ENOX2: variants seen among roughly 807,000 people sequenced by gnomAD.
The protein encoded by ENOX2 is APK1 antigen.
In ENOX2, 36 loss-of-function variants were observed where a neutral mutation model predicts 45.0. The ratio of observed to expected loss-of-function variants is 0.80; its 90% CI spans 0.61 to 1.06. ENOX2 has a LOEUF of 1.06. Among genes scored for constraint, ENOX2 ranks in the 50% least tolerant of loss-of-function variants. ENOX2 has a pLI of 0.00. For synonymous variants in ENOX2, 174 were observed against 152.3 expected, an observed-to-expected ratio of 1.14 and a Z score of -1.05; for missense variants, 423 against 462.5, an observed-to-expected ratio of 0.91 and a Z score of 0.78.
intron 2 of ENOX2, among the ~76,000 whole-genome samples, chrX:130,822,107 G>C (rs1437102354): frequency 9.7e-6 from 1 of 102,855 alleles, no homozygotes; most frequent in Non-Finnish European, 2.0e-5. Flanking sequence ...AGAATAAGTA[G>C]AACACAGAGG....
intron 2 of ENOX2, among the ~76,000 whole-genome samples, chrX:130,809,058 T>C (rs1267678654): frequency 8.9e-6 from 1 of 112,502 alleles, no homozygotes; most frequent in Non-Finnish European, 1.9e-5. Flanking sequence ...TGAGTTTCTG[T>C]TATGTTCCTA....
intron 3 of ENOX2, among the ~76,000 whole-genome samples, chrX:130,752,900 T>C (rs1208279844): frequency 2.7e-5 from 3 of 110,807 alleles, no homozygotes; most frequent in African/African-American, 9.8e-5. Flanking sequence ...TGGCTCTGTA[T>C]GTATCTCCCT....
At chrX:130,900,845 C>A (rs1032031694) in intron 2 of ENOX2, among the ~76,000 whole-genome samples, 2 of 112,038 alleles carry the variant, frequency 1.8e-5, no homozygotes, top group African/African-American at 6.5e-5. Flanking sequence ...CATCCAGCTC[C>A]CCAGCTAGAC....
intron 2 of ENOX2, among the ~76,000 whole-genome samples, chrX:130,834,764 T>G (rs2077900870): frequency 9.0e-6 from 1 of 111,691 alleles, no homozygotes; most frequent in Non-Finnish European, 1.9e-5. Flanking sequence ...AGGAAAATCT[T>G]CAAATGTGAT....
intron 5 of ENOX2, among the ~76,000 whole-genome samples, chrX:130,685,753 A>C (rs1216326967): frequency 9.0e-6 from 1 of 111,529 alleles, no homozygotes; most frequent in East Asian, 2.8e-4. Flanking sequence ...GGGCTGGAGG[A>C]GAGTGTGAGG....
chrX:130,779,931 CA>C (rs1470138405), intron 3 of ENOX2, among the ~76,000 whole-genome samples: 1 of 111,221 alleles, frequency 9.0e-6, no homozygotes, highest in Admixed American at 9.6e-5. Flanking sequence ...TTCAGAGGTA[CA>C]AGAGAACATT....
At chrX:130,813,829 G>A (rs1297650046) in intron 2 of ENOX2, among the ~76,000 whole-genome samples, 1 of 111,994 alleles carries the variant, frequency 8.9e-6, no homozygotes, top group Non-Finnish European at 1.9e-5. Context: ...CGGCCGTTTG[G>A]GCAGACACCG....
intron 3 of ENOX2, among the ~76,000 whole-genome samples, chrX:130,754,185 G>C (rs184710558): frequency 2.4e-3 from 273 of 111,467 alleles, no homozygotes; most frequent in Non-Finnish European, 4.1e-3. Flanking sequence ...ATTATTATGT[G>C]TCAACTAAAA....
At chrX:130,854,992 T>C (rs186547221) in intron 2 of ENOX2, among the ~76,000 whole-genome samples, 31 of 111,796 alleles carry the variant, frequency 2.8e-4, no homozygotes, top group African/African-American at 9.7e-4. Context: ...TTTCCTATTA[T>C]TGGTAATAAG....
chrX:130,847,884 C>A (rs182505946), intron 2 of ENOX2, among the ~76,000 whole-genome samples: 1 of 112,082 alleles, frequency 8.9e-6, no homozygotes, highest in Admixed American at 9.4e-5. Context: ...TAACTTCAGA[C>A]AAGTTTTAGT....
intron 1 of ENOX2, 132 bp from the exon 2 acceptor site, chrX:130,901,863 A>C (rs2079147679): frequency 8.9e-6 from 1 of 111,735 alleles, no homozygotes; most frequent in Non-Finnish European, 1.9e-5. Flanking sequence ...CACCCTATTT[A>C]TTTCCCAGTA....
In ENOX2 at chrX:130,725,184, C is replaced by T. The variant is rs188935496; in HGVS notation, c.-38-21930G>A. ...TATGAACTTCTAATCACTTTTTAAT[C>T]TGTTAAACATGTTTTTTTTCTTTAA... On this transcript the variant is annotated intron_variant, in intron 3 of 14. Coordinates refer to ENST00000394363, the MANE Select transcript of ENOX2 (RefSeq NM_006375.4). Among the ~76,000 whole-genome samples, 55 of 110,860 alleles carry T rather than the reference C, an allele frequency of 5.0e-4. 1 individual carries two copies. The East Asian group carries it at 0.013, about 27-fold the overall frequency.
intron 2 of ENOX2, among the ~76,000 whole-genome samples, chrX:130,805,819 C>G (rs1255826792): frequency 8.9e-6 from 1 of 111,801 alleles, no homozygotes; most frequent in Non-Finnish European, 1.9e-5. Context: ...ATGTCAGAAG[C>G]AAAGTTTGAC....
chrX:130,831,757 GTTTA>G (rs1423998945), intron 2 of ENOX2, among the ~76,000 whole-genome samples: 2 of 111,402 alleles, frequency 1.8e-5, no homozygotes, highest in African/African-American at 6.5e-5. Flanking sequence ...GTATTTCCAT[GTTTA>G]TTTGTCTGTT....
chrX:130,716,383 C>A (rs1401858587), intron 3 of ENOX2, among the ~76,000 whole-genome samples: 1 of 111,872 alleles, frequency 8.9e-6, no homozygotes, highest in Non-Finnish European at 1.9e-5. Flanking sequence ...ACCTATCAGA[C>A]CTGCTGCCAA....
At chrX:130,897,146 T>A (rs1369756276) in intron 2 of ENOX2, among the ~76,000 whole-genome samples, 5 of 112,012 alleles carry the variant, frequency 4.5e-5, no homozygotes, top group African/African-American at 1.6e-4. Flanking sequence ...CGGTTTTCTG[T>A]AGCTCTCTGT....
chrX:130,733,386 G>C (rs2038784703), intron 3 of ENOX2, among the ~76,000 whole-genome samples: 1 of 108,907 alleles, frequency 9.2e-6, no homozygotes, highest in Non-Finnish European at 1.9e-5. Flanking sequence ...ACCAAATGCT[G>C]GCTAGGATTC....
At chrX:130,730,245 C>T (rs1443575950) in intron 3 of ENOX2, among the ~76,000 whole-genome samples, 2 of 112,328 alleles carry the variant, frequency 1.8e-5, no homozygotes, top group African/African-American at 6.5e-5. Context: ...ATGTTTTATA[C>T]TGCAGTAGCT....
chrX:130,688,089 T>C (rs1442478263), intron 5 of ENOX2, among the ~76,000 whole-genome samples: 1 of 112,315 alleles, frequency 8.9e-6, no homozygotes, highest in Non-Finnish European at 1.9e-5. Flanking sequence ...TGACTAGAAC[T>C]ATGGAAAAAT....
Sources: gnomAD v4.1 joint callset for allele counts (sites outside exome capture counted in the v4.1 genomes callset) on GRCh38, gnomAD v4.1.1 for gene constraint, MANE v1.5 for transcripts, NCBI Gene and HGNC (gene_info 2026-07-23, HGNC 2026-07-21) for gene names.